PDE2A: variants seen among roughly 807,000 people sequenced by gnomAD.
PDE2A encodes the protein phosphodiesterase 2A.
In PDE2A, 53 loss-of-function variants were observed where a neutral mutation model predicts 133.6. That is an observed-to-expected ratio of 0.40 (90% CI 0.32 to 0.50). PDE2A has a LOEUF of 0.50. PDE2A is among the 20% of genes least tolerant of loss of function. The pLI, the probability that PDE2A is intolerant of heterozygous loss-of-function variation, is 0.73. For missense variants in PDE2A, 796 were observed against 1,232.4 expected, an observed-to-expected ratio of 0.65 and a Z score of 5.30; for synonymous variants, 491 against 490.2, an observed-to-expected ratio of 1.00 and a Z score of -0.02.
chr11:72,582,100 C>A, intron 21 of PDE2A, 153 bp from the exon 22 acceptor site: 1 of 652,038 alleles, frequency 1.5e-6, no homozygotes, highest in Admixed American at 2.7e-5. Flanking sequence ...CAACCGTTCT[C>A]GGAGCTATGC....
At chr11:72,611,601 G>A (rs1041717251) in intron 2 of PDE2A, among the ~76,000 whole-genome samples, 2 of 152,218 alleles carry the variant, frequency 1.3e-5, no homozygotes, top group Admixed American at 1.3e-4. Flanking sequence ...GGAAAGTTGG[G>A]GAGAGTTGGG....
At chr11:72,601,873 C>A (rs182474291) in intron 4 of PDE2A, among the ~76,000 whole-genome samples, 4 of 152,072 alleles carry the variant, frequency 2.6e-5, no homozygotes, top group African/African-American at 4.8e-5. Context: ...GAATGTTCAG[C>A]GTATCATTTT....
intron 1 of PDE2A, among the ~76,000 whole-genome samples, chr11:72,670,759 G>A (rs75492444): frequency 0.061 from 9,191 of 151,860 alleles, 418 homozygotes; most frequent in Non-Finnish European, 0.091. Context: ...GACACAGGAC[G>A]GAGAAAGGAC....
chr11:72,584,492 G>A, intron 18 of PDE2A, 59 bp downstream of exon 18: 7 of 1,524,796 alleles, frequency 4.6e-6, no homozygotes, highest in Non-Finnish European at 5.3e-6. Flanking sequence ...ACCCCCGCTC[G>A]CTCGGACCCG....
At position 72,631,034 on chromosome 11, in the gene PDE2A, C is replaced by T; in HGVS notation, c.144+11220G>A. On this transcript the variant is annotated intron_variant, in intron 2 of 30. Transcript: ENST00000334456. ...TCAGACTGATCTTCAGTCTGCGCCC[C>T]ACCCCCTCAAGCCCACCCACTTCTC... 12 of 1,441,428 alleles carry T rather than the reference C, an allele frequency of 8.3e-6. 1 individual carries two copies. The highest frequency in any genetic ancestry group is 1.1e-5 in the Non-Finnish European group (12 of 1,047,806). 89.3% of individuals were successfully genotyped at this position (1,441,428 alleles called of 1,614,324 possible).
chr11:72,580,523 C>T (rs1378951168), intron 25 of PDE2A, 54 bp downstream of exon 25: 34 of 1,357,662 alleles, frequency 2.5e-5, no homozygotes, highest in Non-Finnish European at 3.4e-5. Context: ...CATAACTTTG[C>T]AAGTCACTGG....
At position 72,590,284 on chromosome 11, in the gene PDE2A, G is replaced by T. The variant is rs200867441; in HGVS notation, c.704-40C>A. 492 of 1,544,838 alleles carry T rather than the reference G, an allele frequency of 3.2e-4. No homozygotes were observed. In the African/African-American group the frequency reaches 5.8e-3, roughly 18 times the overall value. On this transcript the variant is annotated intron_variant, in intron 8 of 30. Transcript: ENST00000334456. The surrounding 1 kb of genome is among the most constrained non-coding windows in gnomAD (Gnocchi z 4.8). Reference sequence around the variant, plus strand: ...CGCCGGTCAGAGAGAGGGCCCCTCCGCACCTCCGTGTCCGGGTCCCTCAGG... The same window carrying T: ...CGCCGGTCAGAGAGAGGGCCCCTCCTCACCTCCGTGTCCGGGTCCCTCAGG...
At chr11:72,619,869 C>T (rs542577321) in intron 2 of PDE2A, among the ~76,000 whole-genome samples, 8 of 152,232 alleles carry the variant, frequency 5.3e-5, no homozygotes, top group Admixed American at 1.3e-4. Context: ...GGGCTCAGTT[C>T]CTCATCCGTA....
intron 1 of PDE2A, among the ~76,000 whole-genome samples, chr11:72,666,055 C>G (rs1014026792): frequency 6.6e-6 from 1 of 152,184 alleles, no homozygotes; most frequent in African/African-American, 2.4e-5. Context: ...CTTCACACGT[C>G]CCCAGGAGGA....
chr11:72,587,089 T>G (rs1856009932), intron 13 of PDE2A, among the ~76,000 whole-genome samples: 1 of 152,056 alleles, frequency 6.6e-6, no homozygotes, highest in Non-Finnish European at 1.5e-5. Context: ...ACCTTCATGC[T>G]TTTTTTTCTA....
intron 1 of PDE2A, among the ~76,000 whole-genome samples, chr11:72,656,032 G>A (rs576300646): frequency 5.9e-5 from 9 of 152,316 alleles, no homozygotes; most frequent in Admixed American, 3.3e-4. Context: ...CAGGACTGGT[G>A]ATTAGGAGGC....
chr11:72,639,771 G>C (rs1347466376), intron 2 of PDE2A, among the ~76,000 whole-genome samples: 1 of 152,178 alleles, frequency 6.6e-6, no homozygotes, highest in Non-Finnish European at 1.5e-5. Flanking sequence ...GAGGATGAAG[G>C]GCAAAGGGTA....
chr11:72,620,066 C>T (rs764496164), intron 2 of PDE2A, among the ~76,000 whole-genome samples: 3 of 152,160 alleles, frequency 2.0e-5, no homozygotes, highest in Non-Finnish European at 4.4e-5. Flanking sequence ...AGTTTCAGCA[C>T]CACCCCACCT....
At chr11:72,620,581 A>C (rs1376426484) in intron 2 of PDE2A, among the ~76,000 whole-genome samples, 1 of 152,138 alleles carries the variant, frequency 6.6e-6, no homozygotes, top group Non-Finnish European at 1.5e-5. Context: ...AGCCCAAGGA[A>C]GTGGGTAAAG....
chr11:72,585,121 T>A (rs1042326426), intron 16 of PDE2A, 177 bp from the exon 17 acceptor site: 2 of 670,058 alleles, frequency 3.0e-6, no homozygotes, highest in African/African-American at 3.6e-5. Context: ...TTTGTTTTTT[T>A]TTTTTTTTGG....
At position 72,624,687 on chromosome 11, in the gene PDE2A, G is replaced by A. The variant is rs11235552; in HGVS notation, c.145-15936C>T. Among the ~76,000 whole-genome samples the A allele has an allele frequency of 2.4e-3, 368 of 152,316 alleles. 20 individuals are homozygous for A. In the East Asian group the frequency reaches 0.068, roughly 28 times the overall value. ...CACTGTCACTTTCAGTGTCACACAC[G>A]TGGTAGCATGCAATGTGCAATGTCA... On this transcript the variant is annotated intron_variant, in intron 2 of 30. Transcript: ENST00000334456.
chr11:72,669,073 C>A (rs1380940357), intron 1 of PDE2A: 3 of 597,620 alleles, frequency 5.0e-6, no homozygotes, highest in Non-Finnish European at 6.3e-6. Context: ...TCAGAATCAT[C>A]CTGCCAAGAA....
At chr11:72,615,200 T>C (rs1857405636) in intron 2 of PDE2A, 2 of 399,670 alleles carry the variant, frequency 5.0e-6, no homozygotes, top group African/African-American at 2.0e-5. Flanking sequence ...TGTTGGCTCC[T>C]CCCTTCCAGC....
intron 18 of PDE2A, 44 bp from the exon 19 acceptor site, chr11:72,584,357 A>T (rs2135284691): frequency 7.2e-7 from 1 of 1,381,800 alleles, no homozygotes; most frequent in South Asian, 1.2e-5. Context: ...GGAGGGAGGG[A>T]TCGGTTGGAG....
Sources: allele counts gnomAD v4.1 joint callset (sites outside exome capture counted in the v4.1 genomes callset), GRCh38; gene constraint gnomAD v4.1.1; non-coding constraint Gnocchi (gnomAD v3.1); transcripts MANE v1.5; gene names NCBI Gene and HGNC (gene_info 2026-07-23, HGNC 2026-07-21).